The following SH3PXD2B variants were observed in gnomAD, a reference collection of about 807,000 sequenced individuals.
The protein encoded by SH3PXD2B is SH3 and PX domains 2B.
A neutral mutation model predicts 73.1 loss-of-function variants in SH3PXD2B; 37 were observed. The observed-to-expected ratio is 0.51, with a 90% CI of 0.39 to 0.67. The LOEUF (loss-of-function observed/expected upper bound fraction) is 0.67. Ranked by LOEUF, SH3PXD2B falls within the 30% of genes least tolerant of loss-of-function variation. The pLI, the probability that SH3PXD2B is intolerant of heterozygous loss-of-function variation, is 0.00. For missense variants in SH3PXD2B, 1,053 were observed against 1,197.8 expected (o/e 0.88, Z 1.78); for synonymous variants, 457 against 480.5 (o/e 0.95, Z 0.64).
chr5:172,335,355 G>A lies in SH3PXD2B; in HGVS notation c.*3014C>T. ...CCGAAATTCAGAGGGAGGGTCACTT[G>A]ATTCCCTGGAAGCCCTCCGCACACT... On this transcript the variant is annotated 3_prime_UTR_variant, in exon 13 of 13. Transcript: ENST00000311601. The A allele has an allele frequency of 8.2e-7, 1 of 1,212,314 alleles. No homozygotes were observed. Among genetic ancestry groups the A allele is most frequent in the East Asian group, 3.3e-5 (1 of 30,122 alleles). The allele number at this position is 1,212,314 out of a possible 1,614,324, so 75.1% of individuals were successfully genotyped here.
chr5:172,385,221 T>C (rs1758032950), intron 4 of SH3PXD2B, among the ~76,000 whole-genome samples: 1 of 152,150 alleles, frequency 6.6e-6, no homozygotes, highest in Non-Finnish European at 1.5e-5. Context: ...AGGAGCTGAT[T>C]ATATGCTGGA....
At chr5:172,346,844 C>T (rs1028430918) in intron 11 of SH3PXD2B, among the ~76,000 whole-genome samples, 3 of 151,932 alleles carry the variant, frequency 2.0e-5, no homozygotes, top group African/African-American at 7.3e-5. Flanking sequence ...TAAAAAAAAC[C>T]CCAAAACCCA....
chr5:172,358,637 C>T (rs531293193), intron 8 of SH3PXD2B, 136 bp downstream of exon 8: 1 of 842,762 alleles, frequency 1.2e-6, no homozygotes, highest in South Asian at 1.4e-5. Flanking sequence ...GTTCACAGGC[C>T]ATGGAGCCTC....
chr5:172,354,970 G>T (rs6556014), intron 8 of SH3PXD2B, among the ~76,000 whole-genome samples: 16,005 of 152,144 alleles, frequency 0.11, 1,152 homozygotes, highest in South Asian at 0.22. Context: ...ACTCTGGCAG[G>T]GTGTCCCACA....
At chr5:172,422,579 A>C (rs1758997307) in intron 1 of SH3PXD2B, 83 bp from the exon 2 acceptor site, 2 of 1,301,466 alleles carry the variant, frequency 1.5e-6, no homozygotes, top group Non-Finnish European at 2.2e-6. Context: ...CACAAGACTC[A>C]GAGTCAGAAA....
chr5:172,394,392 ATAAC>A lies in SH3PXD2B; in HGVS notation c.309+167_309+170del, dbSNP rs111288764. Reference sequence around the variant, plus strand: ...GGAAAGGAAATATGTAAAACCCTTAATAACTAACTGTTGCCTCTAAGTTGAATGA... The same window carrying A: ...GGAAAGGAAATATGTAAAACCCTTAATAACTGTTGCCTCTAAGTTGAATGA... On this transcript the variant is annotated intron_variant, in intron 4 of 12. Transcript: ENST00000311601. Among the ~76,000 whole-genome samples, 9,393 of 152,312 alleles carry A rather than the reference ATAAC, an allele frequency of 0.062. 431 individuals are homozygous for A. Among genetic ancestry groups the A allele is most frequent in the African/African-American group, 0.14 (5,630 of 41,560 alleles).
intron 1 of SH3PXD2B, among the ~76,000 whole-genome samples, chr5:172,437,429 G>A (rs1759419404): frequency 6.6e-6 from 1 of 152,236 alleles, no homozygotes; most frequent in Non-Finnish European, 1.5e-5. Flanking sequence ...TGAAGGGGGA[G>A]AGGAGGAAAC....
At chr5:172,348,683 C>CTATCTATCTATCTTATCT (rs1757076058) in intron 10 of SH3PXD2B, among the ~76,000 whole-genome samples, 1 of 43,126 alleles carries the variant, frequency 2.3e-5, no homozygotes, top group Non-Finnish European at 5.7e-5. Flanking sequence ...ATCTATCTAT[C>CTATCTATCTATCTTATCT]TATCTATCTA....
chr5:172,335,456 C>T lies in SH3PXD2B; in HGVS notation c.*2913G>A, dbSNP rs1350263742. The T allele has an allele frequency of 1.5e-5, 19 of 1,230,076 alleles. No individual in the cohort carries two copies. The highest frequency in any genetic ancestry group is 3.1e-4 in the Middle Eastern group (1 of 3,230). 76.2% of individuals were successfully genotyped at this position (1,230,076 alleles called of 1,614,324 possible). ...CAACAAAACCAAACAAACCCAAACT[C>T]GAGATCTCAGTCCCAGCTTGGCCAC... On this transcript the variant is annotated 3_prime_UTR_variant, in exon 13 of 13. Transcript: ENST00000311601.
intron 2 of SH3PXD2B, among the ~76,000 whole-genome samples, chr5:172,417,763 T>C (rs1758858366): frequency 6.6e-6 from 1 of 152,212 alleles, no homozygotes; most frequent in South Asian, 2.1e-4. Context: ...GCCTAGAAAC[T>C]GCTCTGGCAC....
chr5:172,369,494 G>A (rs1757654314), intron 6 of SH3PXD2B, among the ~76,000 whole-genome samples: 1 of 152,120 alleles, frequency 6.6e-6, no homozygotes, highest in South Asian at 2.1e-4. Context: ...GCTTTGCCGG[G>A]CGCAGTGGCT....
chr5:172,395,121 C>T (rs1758266121), intron 3 of SH3PXD2B, among the ~76,000 whole-genome samples: 1 of 152,122 alleles, frequency 6.6e-6, no homozygotes, highest in Non-Finnish European at 1.5e-5. Context: ...ATTCTGAGCC[C>T]TCCCCTCTGC....
rs2113297821 is a variant in SH3PXD2B at position 172,353,783 on chromosome 5, T to C, written c.785+105A>G. 4.5e-6 allele frequency: 4 copies of C among 882,626 alleles called. 1 individual carries two copies. Among genetic ancestry groups the C allele is most frequent in the Middle Eastern group, 3.3e-4 (1 of 3,008 alleles). The allele number at this position is 882,626 out of a possible 1,614,324, so 54.7% of individuals were successfully genotyped here. A position where few individuals can be genotyped will look rare whatever the true frequency, so the allele number is the denominator to read the frequency against. On this transcript the variant is annotated intron_variant, in intron 9 of 12. Coordinates refer to ENST00000311601, the MANE Select transcript of SH3PXD2B (RefSeq NM_001017995.3). The surrounding 1 kb of genome is among the most constrained non-coding windows in gnomAD (Gnocchi z 4.3). ...GGTTCAGGCGGAAACTTCGCCCAGA[T>C]GCAATCACTTACCGACCTCTGTGAG... is the stretch of plus-strand genomic sequence containing the variant.
chr5:172,406,436 A>G, intron 2 of SH3PXD2B, 84 bp from the exon 3 acceptor site: 1 of 1,470,862 alleles, frequency 6.8e-7, no homozygotes, highest in Non-Finnish European at 9.5e-7. Context: ...AATTATGTGA[A>G]ATATGTGATG....
chr5:172,414,844 G>A (rs1758783985), intron 2 of SH3PXD2B, among the ~76,000 whole-genome samples: 1 of 152,196 alleles, frequency 6.6e-6, no homozygotes, highest in Non-Finnish European at 1.5e-5. Context: ...TCTGGAAGAT[G>A]CCCAGCTAAG....
intron 4 of SH3PXD2B, among the ~76,000 whole-genome samples, chr5:172,387,906 ATTTTG>A (rs1758092779): frequency 6.6e-6 from 1 of 151,184 alleles, no homozygotes; most frequent in Admixed American, 6.6e-5. Context: ...CTCCTAAAAC[ATTTTG>A]TAATATTGCC....
Position 172,339,216 on chromosome 5 carries a change from G to C in SH3PXD2B, c.1889C>G (p.Thr630Ser), listed in dbSNP as rs141783206. The stretch of plus-strand genomic sequence containing the variant: ...GGACTTCAAGAAGGGATTCTGGGGA[G>C]TGGCATCTGGCTTCTCCTCTGGCAG... Reference protein sequence around the residue: ...TDLPEEKPDATPQNPFLKSRP... With the variant: ...TDLPEEKPDASPQNPFLKSRP... The change falls in exon 13 of 13, where the codon ACT becomes AGT. Residue 630 changes from threonine to serine, a missense_variant. Thr to Ser is a moderately conservative substitution (Grantham distance 58). Transcript: ENST00000311601. The surrounding 1 kb of genome is among the most constrained non-coding windows in gnomAD (Gnocchi z 6.1). 1.9e-6 allele frequency: 3 copies of C among 1,614,146 alleles called. No homozygotes were observed. The highest frequency in any genetic ancestry group is 2.5e-6 in the Non-Finnish European group (3 of 1,180,060).
At chr5:172,412,679 A>G (rs2113444208) in intron 2 of SH3PXD2B, among the ~76,000 whole-genome samples, 1 of 152,312 alleles carries the variant, frequency 6.6e-6, no homozygotes, top group South Asian at 2.1e-4. Context: ...GAACTGTAAC[A>G]CTAGGCATCC....
At chr5:172,413,464 C>T (rs921530094) in intron 2 of SH3PXD2B, among the ~76,000 whole-genome samples, 4 of 152,246 alleles carry the variant, frequency 2.6e-5, no homozygotes, top group African/African-American at 9.6e-5. Flanking sequence ...TTGGCCCTCT[C>T]TTCTGCCCCA....
Sources: allele counts gnomAD v4.1 joint callset (sites outside exome capture counted in the v4.1 genomes callset), GRCh38; gene constraint gnomAD v4.1.1; non-coding constraint Gnocchi (gnomAD v3.1); transcripts MANE v1.5; gene names NCBI Gene and HGNC (gene_info 2026-07-23, HGNC 2026-07-21).